The following PTPRM variants were observed in gnomAD, a reference collection of about 807,000 sequenced individuals.
PTPRM encodes receptor-type tyrosine-protein phosphatase mu.
In PTPRM, 47 loss-of-function variants were observed where a neutral mutation model predicts 186.7. That is an observed-to-expected ratio of 0.25 (90% CI 0.20 to 0.32). The LOEUF (loss-of-function observed/expected upper bound fraction) is 0.32. PTPRM is among the 10% of genes least tolerant of loss of function. The pLI is 1.00. For missense variants in PTPRM, 1,494 were observed against 1,865.0 expected (o/e 0.80, Z 3.66); for synonymous variants, 668 against 674.9 (o/e 0.99, Z 0.16).
intron 1 of PTPRM, among the ~76,000 whole-genome samples, chr18:7,672,268 G>A (rs1304087685): frequency 6.6e-6 from 1 of 152,054 alleles, no homozygotes; most frequent in Middle Eastern, 3.2e-3. Flanking sequence ...CCAGTCTTTG[G>A]AAATATTTAG....
chr18:7,719,342 G>A (rs940315234), intron 1 of PTPRM, among the ~76,000 whole-genome samples: 1 of 150,344 alleles, frequency 6.7e-6, no homozygotes, highest in Non-Finnish European at 1.5e-5. Context: ...CTATCAGGAT[G>A]CAAAGGCATG....
intron 1 of PTPRM, among the ~76,000 whole-genome samples, chr18:7,596,101 C>A (rs1354351199): frequency 6.6e-6 from 1 of 152,164 alleles, no homozygotes; most frequent in East Asian, 1.9e-4. Context: ...ACAATCAACC[C>A]CAGTCTGAAG....
intron 1 of PTPRM, among the ~76,000 whole-genome samples, chr18:7,742,546 A>G (rs1208058878): frequency 1.3e-5 from 2 of 152,210 alleles, no homozygotes; most frequent in African/African-American, 4.8e-5. Flanking sequence ...TTATCTTTTT[A>G]AGGAACTCCT....
intron 23 of PTPRM, among the ~76,000 whole-genome samples, chr18:8,365,993 G>A (rs1322333906): frequency 2.6e-5 from 4 of 152,116 alleles, no homozygotes; most frequent in Non-Finnish European, 5.9e-5. Flanking sequence ...CCTGGGGAGA[G>A]GGGGGCTTCA....
intron 21 of PTPRM, among the ~76,000 whole-genome samples, chr18:8,318,146 G>A (rs1239222539): frequency 1.3e-5 from 2 of 151,812 alleles, no homozygotes; most frequent in Admixed American, 6.6e-5. Flanking sequence ...AACCAGTTTT[G>A]GGCATGGTAT....
intron 1 of PTPRM, among the ~76,000 whole-genome samples, chr18:7,672,865 C>T (rs1289673684): frequency 2.0e-5 from 3 of 152,092 alleles, no homozygotes; most frequent in Non-Finnish European, 4.4e-5. Flanking sequence ...AGTGGAGGCC[C>T]CTGATGTTGG....
At chr18:7,740,887 T>C (rs1267467865) in intron 1 of PTPRM, among the ~76,000 whole-genome samples, 1 of 152,176 alleles carries the variant, frequency 6.6e-6, no homozygotes, top group Non-Finnish European at 1.5e-5. Flanking sequence ...ATTAGATTAA[T>C]TTATAGCTAC....
chr18:7,567,473 T>TCGGGTCC lies in PTPRM; in HGVS notation c.-334_-328dup, dbSNP rs1403812885. On this transcript the variant is annotated 5_prime_UTR_variant, in exon 1 of 33. Coordinates refer to ENST00000580170, the MANE Select transcript of PTPRM (RefSeq NM_001105244.2). This position sits in a 1 kb window ranked among gnomAD's most constrained non-coding sequence, Gnocchi z 4.3. ...CACCGCCACGGCCACGGCCGGCAGC[T>TCGGGTCC]CGGGTCCCGGGTCCCGGGCAGGGGA... 3.2e-4 allele frequency: 61 copies of TCGGGTCC among 188,352 alleles called. No homozygotes were observed. In the South Asian group the frequency reaches 6.0e-3, roughly 18 times the overall value. 11.7% of individuals were successfully genotyped at this position (188,352 alleles called of 1,614,324 possible).
At chr18:8,370,092 A>T (rs1397800370) in intron 23 of PTPRM, among the ~76,000 whole-genome samples, 1 of 152,062 alleles carries the variant, frequency 6.6e-6, no homozygotes, top group Non-Finnish European at 1.5e-5. Context: ...CTGGGGAGGC[A>T]GAAGAGGCCA....
chr18:7,930,765 G>A (rs1307679470), intron 5 of PTPRM, among the ~76,000 whole-genome samples: 1 of 152,054 alleles, frequency 6.6e-6, no homozygotes, highest in African/African-American at 2.4e-5. Context: ...CTGTGAAAAT[G>A]GCCAAGGTTT....
chr18:8,222,206 C>G (rs978575258), intron 14 of PTPRM, among the ~76,000 whole-genome samples: 2 of 152,096 alleles, frequency 1.3e-5, no homozygotes, highest in African/African-American at 2.4e-5. Context: ...TTTTTCAGGC[C>G]AGATTTTGGT....
intron 14 of PTPRM, among the ~76,000 whole-genome samples, chr18:8,208,976 A>G (rs759529697): frequency 1.3e-5 from 2 of 152,212 alleles, no homozygotes; most frequent in Non-Finnish European, 2.9e-5. Context: ...CCGGAGCAGG[A>G]TAAGCAGAGG....
chr18:8,403,722 C>T (rs1450624717), intron 32 of PTPRM: 1 of 152,266 alleles, frequency 6.6e-6, no homozygotes, highest in East Asian at 1.9e-4. Context: ...CTAGCAGCCA[C>T]TCCCCATTAC....
chr18:8,382,199 C>T (rs1407220105), intron 29 of PTPRM, among the ~76,000 whole-genome samples: 2 of 152,152 alleles, frequency 1.3e-5, no homozygotes, highest in Non-Finnish European at 2.9e-5. Flanking sequence ...GTCCGGTTCA[C>T]GGACGTGTTA....
At chr18:7,928,324 A>G (rs1169153644) in intron 5 of PTPRM, among the ~76,000 whole-genome samples, 2 of 152,162 alleles carry the variant, frequency 1.3e-5, no homozygotes, top group African/African-American at 4.8e-5. Context: ...AAAGTTTTGT[A>G]ACTGCTAACT....
chr18:8,367,227 G>A (rs1253582617), intron 23 of PTPRM, among the ~76,000 whole-genome samples: 2 of 152,164 alleles, frequency 1.3e-5, no homozygotes, highest in African/African-American at 2.4e-5. Flanking sequence ...GCTGAAAACA[G>A]ATGTGGCAAA....
At chr18:7,746,504 C>A (rs923179758) in intron 1 of PTPRM, among the ~76,000 whole-genome samples, 3 of 151,666 alleles carry the variant, frequency 2.0e-5, no homozygotes, top group African/African-American at 7.3e-5. Context: ...CTCGCTCTGT[C>A]GCCCAAGCCG....
chr18:8,236,116 C>T (rs1342858058), intron 14 of PTPRM, among the ~76,000 whole-genome samples: 1 of 152,144 alleles, frequency 6.6e-6, no homozygotes, highest in Non-Finnish European at 1.5e-5. Context: ...TGAATTCAGC[C>T]ATGTCCTTAC....
intron 13 of PTPRM, among the ~76,000 whole-genome samples, chr18:8,124,279 A>G (rs1254775696): frequency 6.6e-6 from 1 of 152,212 alleles, no homozygotes; most frequent in African/African-American, 2.4e-5. Flanking sequence ...GGTTTTAATG[A>G]TGGTTAGTCT....
Sources: gnomAD v4.1 joint callset for allele counts (sites outside exome capture counted in the v4.1 genomes callset) on GRCh38, gnomAD v4.1.1 for gene constraint, Gnocchi (gnomAD v3.1) non-coding constraint, MANE v1.5 for transcripts, NCBI Gene and HGNC (gene_info 2026-07-23, HGNC 2026-07-21) for gene names.